Variants in CNTNAP2 observed in about 807,000 individuals in gnomAD.
CNTNAP2 encodes contactin-associated protein-like 2.
CNTNAP2 carries 98 observed loss-of-function variants against 155.2 expected under a neutral mutation model. The ratio of observed to expected loss-of-function variants is 0.63; its 90% confidence interval spans 0.54 to 0.75. The LOEUF (loss-of-function observed/expected upper bound fraction) is 0.75. Ranked by LOEUF, CNTNAP2 falls within the 30% of genes least tolerant of loss-of-function variation. The probability of loss-of-function intolerance (pLI) is 0.00; values close to 1 mark genes in which losing one functional copy is unlikely to be tolerated. For synonymous variants in CNTNAP2, 651 were observed against 631.2 expected, an observed-to-expected ratio of 1.03 and a Z score of -0.47; for missense variants, 1,727 against 1,688.1, an observed-to-expected ratio of 1.02 and a Z score of -0.40.
intron 8 of CNTNAP2, among the ~76,000 whole-genome samples, chr7:147,232,475 G>A (rs1803702233): frequency 6.6e-6 from 1 of 152,116 alleles, no homozygotes; most frequent in East Asian, 1.9e-4. Context: ...AGTATGGTCT[G>A]GCATAAGCAC....
At chr7:146,986,379 C>T (rs1262216912) in intron 3 of CNTNAP2, among the ~76,000 whole-genome samples, 9 of 152,066 alleles carry the variant, frequency 5.9e-5, no homozygotes, top group Non-Finnish European at 4.4e-5. Context: ...ATATGTACAC[C>T]GCAGTTTCTT....
chr7:147,157,094 C>T (rs895246178), intron 8 of CNTNAP2, among the ~76,000 whole-genome samples: 18 of 152,058 alleles, frequency 1.2e-4, no homozygotes, highest in African/African-American at 4.3e-4. Context: ...AGAATATTTT[C>T]AAGAAACTCA....
intron 1 of CNTNAP2, among the ~76,000 whole-genome samples, chr7:146,441,321 A>G (rs1182767892): frequency 6.6e-6 from 1 of 151,438 alleles, no homozygotes; most frequent in Non-Finnish European, 1.5e-5. Flanking sequence ...GTTTGTGACT[A>G]AGTTTCAGAG....
chr7:148,311,290 G>T (rs899751932), intron 21 of CNTNAP2, among the ~76,000 whole-genome samples: 1 of 152,098 alleles, frequency 6.6e-6, no homozygotes. Flanking sequence ...TGCCTAGTCT[G>T]CATGTAAGGT....
intron 22 of CNTNAP2, among the ~76,000 whole-genome samples, chr7:148,404,883 A>G (rs1799662625): frequency 2.6e-5 from 4 of 152,178 alleles, no homozygotes; most frequent in African/African-American, 9.7e-5. Context: ...TACCTCTTCA[A>G]CATTCAGATG....
At chr7:147,976,034 A>G (rs1801421504) in intron 14 of CNTNAP2, among the ~76,000 whole-genome samples, 2 of 152,172 alleles carry the variant, frequency 1.3e-5, no homozygotes, top group Non-Finnish European at 2.9e-5. Context: ...ATTTTTTTAA[A>G]TGGCTGTATT....
intron 1 of CNTNAP2, among the ~76,000 whole-genome samples, chr7:146,327,979 G>A (rs552750775): frequency 1.3e-5 from 2 of 152,308 alleles, no homozygotes; most frequent in South Asian, 4.1e-4. Flanking sequence ...GTGGACTGAA[G>A]TGTTTTTCTC....
chr7:146,874,300 TAAAC>T (rs1478466409), intron 3 of CNTNAP2, among the ~76,000 whole-genome samples: 11 of 152,162 alleles, frequency 7.2e-5, no homozygotes, highest in African/African-American at 2.7e-4. Flanking sequence ...TTTGTCTAGA[TAAAC>T]AAAAGAAATT....
At chr7:147,109,791 G>A (rs1185458294) in intron 5 of CNTNAP2, among the ~76,000 whole-genome samples, 1 of 152,154 alleles carries the variant, frequency 6.6e-6, no homozygotes, top group Non-Finnish European at 1.5e-5. Context: ...AGGAAGAACA[G>A]TTAGTTAACT....
chr7:146,887,127 A>G (rs2129210652), intron 3 of CNTNAP2, among the ~76,000 whole-genome samples: 1 of 151,950 alleles, frequency 6.6e-6, no homozygotes, highest in Admixed American at 6.6e-5. Context: ...TCAGATATCT[A>G]GATATCTACA....
At chr7:146,880,068 T>A (rs1380007872) in intron 3 of CNTNAP2, among the ~76,000 whole-genome samples, 1 of 152,086 alleles carries the variant, frequency 6.6e-6, no homozygotes, top group African/African-American at 2.4e-5. Context: ...ATTTCCCACC[T>A]GGTCCCTCCC....
At chr7:146,319,234 A>G (rs549768255) in intron 1 of CNTNAP2, among the ~76,000 whole-genome samples, 1 of 152,280 alleles carries the variant, frequency 6.6e-6, no homozygotes, top group East Asian at 1.9e-4. Context: ...TTTCCTTCTC[A>G]GCATGCATTT....
At chr7:146,149,912 T>G (rs553052397) in intron 1 of CNTNAP2, among the ~76,000 whole-genome samples, 16 of 146,676 alleles carry the variant, frequency 1.1e-4, no homozygotes, top group African/African-American at 4.0e-4. Context: ...CAGTCAGGCT[T>G]CATGAAAAAC....
intron 8 of CNTNAP2, among the ~76,000 whole-genome samples, chr7:147,132,816 A>G (rs1022318587): frequency 2.0e-5 from 3 of 152,160 alleles, no homozygotes; most frequent in African/African-American, 7.2e-5. Flanking sequence ...ATTTATGTTT[A>G]AAAACAAGGA....
At chr7:146,759,941 T>A (rs1239012891) in intron 1 of CNTNAP2, among the ~76,000 whole-genome samples, 1 of 152,138 alleles carries the variant, frequency 6.6e-6, no homozygotes, top group Non-Finnish European at 1.5e-5. Flanking sequence ...AAAATAAACC[T>A]TCGGTAGTTT....
intron 13 of CNTNAP2, among the ~76,000 whole-genome samples, chr7:147,744,272 C>A (rs1424861182): frequency 6.6e-6 from 1 of 152,074 alleles, no homozygotes; most frequent in African/African-American, 2.4e-5. Context: ...GCCATCTGCC[C>A]CTTTTTACAA....
At chr7:148,197,872 A>C (rs1795302445) in intron 18 of CNTNAP2, among the ~76,000 whole-genome samples, 1 of 152,198 alleles carries the variant, frequency 6.6e-6, no homozygotes, top group Non-Finnish European at 1.5e-5. Context: ...GCTTCCTATC[A>C]GTCATGTGTC....
At chr7:146,143,970 C>T (rs775013100) in intron 1 of CNTNAP2, among the ~76,000 whole-genome samples, 4 of 152,050 alleles carry the variant, frequency 2.6e-5, no homozygotes, top group Non-Finnish European at 5.9e-5. Context: ...CCATGTTGGC[C>T]AGGCTGGTCT....
At chr7:146,198,554 C>CCTGA (rs1798810898) in intron 1 of CNTNAP2, among the ~76,000 whole-genome samples, 1 of 152,098 alleles carries the variant, frequency 6.6e-6, no homozygotes, top group Admixed American at 6.6e-5. Context: ...AATTTATGTT[C>CCTGA]CTGACTCATG....
Sources: gnomAD v4.1 joint callset for allele counts (sites outside exome capture counted in the v4.1 genomes callset) on GRCh38, gnomAD v4.1.1 for gene constraint, MANE v1.5 for transcripts, NCBI Gene and HGNC (gene_info 2026-07-23, HGNC 2026-07-21) for gene names.